The following ADCY5 variants were observed in gnomAD, a reference collection of about 807,000 sequenced individuals.
ADCY5 encodes the protein adenylate cyclase 5.
In ADCY5, 30 loss-of-function variants were observed where a neutral mutation model predicts 119.7. That is an observed-to-expected ratio of 0.25 (90% CI 0.19 to 0.34). The LOEUF is 0.34. Among genes scored for constraint, ADCY5 ranks in the 10% least tolerant of loss-of-function variants. The pLI, the probability that ADCY5 is intolerant of heterozygous loss-of-function variation, is 1.00. For synonymous variants in ADCY5, 753 were observed against 762.2 expected, an observed-to-expected ratio of 0.99 and a Z score of 0.20; for missense variants, 1,324 against 1,775.2, an observed-to-expected ratio of 0.75 and a Z score of 4.57.
rs1385967063 is a variant in ADCY5, at chr3:123,352,586, A to C, written c.1135-5T>G. 1 of 1,606,884 alleles carries C rather than the reference A, an allele frequency of 6.2e-7. No homozygotes were observed. The highest frequency in any genetic ancestry group is 1.7e-5 in the Admixed American group (1 of 59,770). On this transcript the variant is annotated splice_polypyrimidine_tract_variant and splice_region_variant and intron_variant, in intron 1 of 20. Coordinates refer to ENST00000462833, the MANE Select transcript of ADCY5 (RefSeq NM_183357.3). This position sits in a 1 kb window ranked among gnomAD's most constrained non-coding sequence, Gnocchi z 4.8. The stretch of plus-strand genomic sequence containing the variant: ...AATGAGAACATTGGAGACAAGCTGC[A>C]GAGGGAGAGAGGAGCACACCTAGCT...
chr3:123,325,334 C>A lies in ADCY5; in HGVS notation c.2076G>T (p.Glu692Asp). ...ACCAGCCACTCACCATCCGCTTCAT[C>A]TCCTTGGACACCTGGTTGCCACCCA... ...NHLGGNQVSKEMKRMGFEDPK... is the reference protein window; with the variant it reads ...NHLGGNQVSKDMKRMGFEDPK... Residue 692 changes from glutamate to aspartate, a missense_variant, in exon 8 of 21, where the codon GAG becomes GAT. By Grantham distance (45) the Glu-to-Asp change is conservative. Transcript: ENST00000462833. The A allele has an allele frequency of 6.2e-7, 1 of 1,614,126 alleles. No individual in the cohort carries two copies. The highest frequency in any genetic ancestry group is 8.5e-7 in the Non-Finnish European group (1 of 1,179,998).
At chr3:123,320,863 T>C in intron 8 of ADCY5, 92 bp from the exon 9 acceptor site, 2 of 911,674 alleles carry the variant, frequency 2.2e-6, no homozygotes, top group South Asian at 2.8e-5. Flanking sequence ...AGCTCATCTC[T>C]ACAGTCTCCC....
chr3:123,441,609 A>G (rs1945723348), intron 1 of ADCY5, among the ~76,000 whole-genome samples: 1 of 152,198 alleles, frequency 6.6e-6, no homozygotes, highest in South Asian at 2.1e-4. Flanking sequence ...GAAAACAGAG[A>G]TCCCAGCAAT....
chr3:123,408,889 C>A (rs183308659), intron 1 of ADCY5, among the ~76,000 whole-genome samples: 1 of 151,904 alleles, frequency 6.6e-6, no homozygotes, highest in African/African-American at 2.4e-5. Flanking sequence ...ACAGGAGAAT[C>A]GTTTGAACCC....
chr3:123,379,774 A>G (rs1013877983), intron 1 of ADCY5, among the ~76,000 whole-genome samples: 1 of 152,154 alleles, frequency 6.6e-6, no homozygotes. Context: ...GTCTCAGCCA[A>G]CTTCTGATCA....
At chr3:123,331,806 A>G (rs1304571633) in intron 4 of ADCY5, among the ~76,000 whole-genome samples, 1 of 152,246 alleles carries the variant, frequency 6.6e-6, no homozygotes, top group Admixed American at 6.5e-5. Context: ...CATTCAGTTC[A>G]GTGACAAAAT....
rs1034355433 is a variant in ADCY5 at position 123,284,797 on chromosome 3, G to C, written c.3658-61C>G. 2.5e-6 allele frequency: 4 copies of C among 1,606,404 alleles called. No homozygotes were observed. The African/African-American group carries it at 5.3e-5, about 21-fold the overall frequency. Reference sequence around the variant, plus strand: ...GATGGCCTTGGCCATGAACTGCTGTGGGGTAGAGCCACCTCTGACTGCCCA... The same window carrying C: ...GATGGCCTTGGCCATGAACTGCTGTCGGGTAGAGCCACCTCTGACTGCCCA... On this transcript the variant is annotated intron_variant, in intron 20 of 20. Transcript: ENST00000462833.
intron 1 of ADCY5, among the ~76,000 whole-genome samples, chr3:123,370,930 T>C (rs1056786741): frequency 2.6e-5 from 4 of 152,092 alleles, no homozygotes; most frequent in African/African-American, 9.7e-5. Flanking sequence ...AGGATGAGGC[T>C]GGAGGTGTGA....
chr3:123,297,395 T>C lies in ADCY5; in HGVS notation c.2901-13A>G. The C allele has an allele frequency of 6.2e-7, 1 of 1,613,636 alleles. No homozygotes were observed. The highest frequency in any genetic ancestry group is 8.5e-7 in the Non-Finnish European group (1 of 1,179,846). On this transcript the variant is annotated splice_polypyrimidine_tract_variant and intron_variant, in intron 15 of 20. Coordinates refer to ENST00000462833, the MANE Select transcript of ADCY5 (RefSeq NM_183357.3). ...GTTGAAGAAGTCTCTGTGAAGAGAG[T>C]TGGGGAAGACTGGTCAGGGCCACCC...
In ADCY5 at chr3:123,319,815, G is replaced by A. The variant is rs150253262; in HGVS notation, c.2115C>T (p.Asn705=). ...CCTCAGGGTTCGCACTCTCCTGGGC[G>A]TTCCTGGGGAGCAGAAGGCACGGGC... ...RMGFEDPKDK[N]AQESANPEDE... Residue 705 remains asparagine, a synonymous_variant, in exon 10 of 21, where the codon AAC becomes AAT. Transcript: ENST00000462833. The A allele has an allele frequency of 4.0e-5, 64 of 1,612,988 alleles. No homozygotes were observed. Among genetic ancestry groups the A allele is most frequent in the Admixed American group, 1.5e-4 (9 of 60,000 alleles).
chr3:123,393,896 GGA>G (rs1002130959), intron 1 of ADCY5, among the ~76,000 whole-genome samples: 2 of 152,070 alleles, frequency 1.3e-5, no homozygotes, highest in African/African-American at 2.4e-5. Context: ...CAGCACTTTG[GGA>G]GGCTAAGGGC....
At chr3:123,396,537 A>G (rs1410935958) in intron 1 of ADCY5, among the ~76,000 whole-genome samples, 2 of 75,320 alleles carry the variant, frequency 2.7e-5, no homozygotes, top group Non-Finnish European at 5.4e-5. Flanking sequence ...GAAAGAAAAG[A>G]AAGAAAGAAA....
intron 1 of ADCY5, among the ~76,000 whole-genome samples, chr3:123,408,110 G>A (rs1184490900): frequency 6.6e-6 from 1 of 152,108 alleles, no homozygotes; most frequent in African/African-American, 2.4e-5. Flanking sequence ...AGAATACAAA[G>A]AGCCCTGGAC....
In ADCY5 at chr3:123,282,977, T is replaced by C. The variant is rs1469793027; in HGVS notation, c.*1631A>G. On this transcript the variant is annotated 3_prime_UTR_variant, in exon 21 of 21. Coordinates refer to ENST00000462833, the MANE Select transcript of ADCY5 (RefSeq NM_183357.3). ...CTGTGCTAGAGTATCATTTTCCAAA[T>C]GTCTTCCTCATAGGTTATAAAAATA... The C allele has an allele frequency of 6.6e-6, 1 of 152,236 alleles. No homozygotes were observed. The highest frequency in any genetic ancestry group is 1.5e-5 in the Non-Finnish European group (1 of 68,042). The allele number at this position is 152,236 out of a possible 1,614,324, so 9.4% of individuals were successfully genotyped here.
At chr3:123,319,606 T>C (rs997875854) in intron 10 of ADCY5, 68 bp downstream of exon 10, 1 of 1,583,076 alleles carries the variant, frequency 6.3e-7, no homozygotes, top group Non-Finnish European at 8.6e-7. Context: ...AGCCCTCCTG[T>C]TTTCTTGCCC....
intron 1 of ADCY5, among the ~76,000 whole-genome samples, chr3:123,426,907 G>T (rs1945427291): frequency 1.3e-5 from 2 of 152,140 alleles, no homozygotes; most frequent in South Asian, 4.1e-4. Flanking sequence ...GATGAAGGCA[G>T]AGCCCTGGGA....
intron 1 of ADCY5, among the ~76,000 whole-genome samples, chr3:123,436,197 C>G (rs1401695607): frequency 6.6e-6 from 1 of 151,534 alleles, no homozygotes; most frequent in Admixed American, 6.6e-5. Context: ...GCCAAGACCC[C>G]ATTTTTATTT....
intron 1 of ADCY5, among the ~76,000 whole-genome samples, chr3:123,437,606 T>G (rs1488030065): frequency 6.6e-6 from 1 of 152,156 alleles, no homozygotes; most frequent in East Asian, 1.9e-4. Context: ...ATGGAAGGGA[T>G]TAGCCCAGTG....
At chr3:123,418,611 G>C (rs965851638) in intron 1 of ADCY5, among the ~76,000 whole-genome samples, 2 of 152,162 alleles carry the variant, frequency 1.3e-5, no homozygotes, top group Non-Finnish European at 2.9e-5. Context: ...TCAGCAGAGT[G>C]AGAACTCACT....
Sources: gnomAD v4.1 joint callset for allele counts (sites outside exome capture counted in the v4.1 genomes callset) on GRCh38, gnomAD v4.1.1 for gene constraint, Gnocchi (gnomAD v3.1) non-coding constraint, MANE v1.5 for transcripts, NCBI Gene and HGNC (gene_info 2026-07-23, HGNC 2026-07-21) for gene names.